Variants in PAPPA observed in about 807,000 individuals in gnomAD.
The protein encoded by PAPPA is pappalysin-1.
A neutral mutation model predicts 164.0 loss-of-function variants in PAPPA; 60 were observed. The ratio of observed to expected loss-of-function variants is 0.37; its 90% CI spans 0.30 to 0.45. The LOEUF (loss-of-function observed/expected upper bound fraction) is 0.45, where lower values mean the gene tolerates loss of function less well. Among genes scored for constraint, PAPPA ranks in the 20% least tolerant of loss-of-function variants. The pLI is 1.00. For synonymous variants in PAPPA, 875 were observed against 814.1 expected (o/e 1.07, Z -1.27); for missense variants, 1,782 against 2,087.3 (o/e 0.85, Z 2.85).
At chr9:116,326,260 T>G (rs999747653) in intron 10 of PAPPA, among the ~76,000 whole-genome samples, 2 of 152,204 alleles carry the variant, frequency 1.3e-5, no homozygotes, top group African/African-American at 2.4e-5. Flanking sequence ...TTCCCTTCAC[T>G]TGATTATTTT....
At chr9:116,276,463 G>A (rs1284491447) in intron 9 of PAPPA, among the ~76,000 whole-genome samples, 1 of 152,118 alleles carries the variant, frequency 6.6e-6, no homozygotes, top group Non-Finnish European at 1.5e-5. Context: ...GAGGCCTCCT[G>A]GCTGCAGCTT....
rs182044902 is a variant in PAPPA, at chr9:116,256,362, C to T, written c.2733-9495C>T. Among the ~76,000 whole-genome samples, 37 of 151,418 alleles carry T rather than the reference C, an allele frequency of 2.4e-4. 1 individual carries two copies. The highest frequency in any genetic ancestry group is 2.2e-3 in the Admixed American group (33 of 15,200). On this transcript the variant is annotated intron_variant, in intron 7 of 21. Transcript: ENST00000328252. ...GACAAATAATGGAAATTTAAAAATT[C>T]GATAAATCCAAGTGAAGGGAAGAAA...
At chr9:116,319,272 C>T (rs1267167327) in intron 10 of PAPPA, among the ~76,000 whole-genome samples, 2 of 152,204 alleles carry the variant, frequency 1.3e-5, no homozygotes, top group African/African-American at 4.8e-5. Flanking sequence ...ACATCCGACA[C>T]TAATCACTCT....
chr9:116,158,255 C>T (rs569907791), intron 1 of PAPPA, among the ~76,000 whole-genome samples: 2 of 152,182 alleles, frequency 1.3e-5, no homozygotes, highest in African/African-American at 4.8e-5. Context: ...TCCACCCAAC[C>T]CTCAAAAAAG....
In PAPPA at chr9:116,235,363, G is replaced by A. The variant is rs150711810; in HGVS notation, c.2458G>A (p.Ala820Thr). The stretch of plus-strand genomic sequence containing the variant: ...AGCTGTCAATGACATCAAACTGTTG[G>A]CTGTCAGTGGGAAGAACATCTCCCT... ...SGAVNDIKLL[A>T]VSGKNISLGP... is the part of the protein sequence containing the mutation. The change falls in exon 7 of 22, where the codon GCT (alanine) becomes ACT (threonine). Residue 820 changes from alanine to threonine, a missense_variant. Ala to Thr is a moderately conservative substitution (Grantham distance 58). Transcript: ENST00000328252. 1.2e-5 allele frequency: 20 copies of A among 1,613,910 alleles called. No individual in the cohort carries two copies. The African/African-American group carries it at 1.6e-4, about 13-fold the overall frequency.
At chr9:116,363,804 G>C (rs577158109) in intron 18 of PAPPA, among the ~76,000 whole-genome samples, 1 of 152,180 alleles carries the variant, frequency 6.6e-6, no homozygotes, top group African/African-American at 2.4e-5. Context: ...GGTTGGAGAG[G>C]GAAGGTTCAT....
intron 1 of PAPPA, among the ~76,000 whole-genome samples, chr9:116,156,047 G>GTA (rs1843597782): frequency 6.6e-6 from 1 of 151,398 alleles, no homozygotes; most frequent in East Asian, 1.9e-4. Context: ...ATTTAGAGCT[G>GTA]TAGTATGTTG....
intron 17 of PAPPA, among the ~76,000 whole-genome samples, chr9:116,361,379 C>G (rs988534956): frequency 5.9e-5 from 9 of 152,188 alleles, no homozygotes; most frequent in African/African-American, 1.9e-4. Flanking sequence ...TCGGTAAAGT[C>G]TAAACTACTT....
rs1478770305 is a variant in PAPPA at position 116,227,432 on chromosome 9, G to A, written c.2113G>A (p.Glu705Lys). The part of the protein sequence containing the change: ...PPIDGHFFER[E>K]LGSACHLCLE... ...TTCCCTCTTTCCTTGGCCTCCTAGA[G>A]AATTGGGATCAGCATGTCATCTTTG... is the stretch of plus-strand genomic sequence containing the variant. The change falls in exon 6 of 22, where the codon GAA (glutamate) becomes AAA (lysine). Residue 705 changes from glutamate (E) to lysine (K), a missense_variant and splice_region_variant. By Grantham distance (56) the Glu-to-Lys change is moderately conservative. Transcript: ENST00000328252. The A allele has an allele frequency of 1.2e-6, 2 of 1,613,992 alleles. No homozygotes were observed. The highest frequency in any genetic ancestry group is 1.7e-6 in the Non-Finnish European group (2 of 1,179,926).
chr9:116,331,700 T>A (rs1845993294), intron 11 of PAPPA, among the ~76,000 whole-genome samples: 3 of 152,216 alleles, frequency 2.0e-5, no homozygotes, highest in Admixed American at 1.3e-4. Context: ...TTGTCCTGCA[T>A]GTTTGGTCGC....
At chr9:116,163,361 G>A (rs1398248657) in intron 1 of PAPPA, among the ~76,000 whole-genome samples, 3 of 152,162 alleles carry the variant, frequency 2.0e-5, no homozygotes, top group East Asian at 3.9e-4. Flanking sequence ...GAGTAGCTTT[G>A]AAGAAGAGAC....
intron 21 of PAPPA, among the ~76,000 whole-genome samples, chr9:116,391,992 G>C (rs115535131): frequency 0.015 from 2,219 of 152,264 alleles, 27 homozygotes; most frequent in East Asian, 0.027. Context: ...CCTGACTCCT[G>C]CTCTGCCGTC....
chr9:116,307,282 C>T (rs996651248), intron 10 of PAPPA, among the ~76,000 whole-genome samples: 1 of 152,126 alleles, frequency 6.6e-6, no homozygotes, highest in African/African-American at 2.4e-5. Context: ...CTTGGCCCAT[C>T]CATAATACTT....
At chr9:116,280,642 C>T (rs1211798944) in intron 9 of PAPPA, among the ~76,000 whole-genome samples, 1 of 152,174 alleles carries the variant, frequency 6.6e-6, no homozygotes, top group Non-Finnish European at 1.5e-5. Flanking sequence ...GAAGTTGACT[C>T]AAGCATATAC....
At chr9:116,341,058 T>A (rs1296687871) in intron 13 of PAPPA, among the ~76,000 whole-genome samples, 1 of 145,882 alleles carries the variant, frequency 6.9e-6, no homozygotes, top group Non-Finnish European at 1.5e-5. Context: ...TTATTTATTT[T>A]GATACACAGT....
intron 17 of PAPPA, among the ~76,000 whole-genome samples, chr9:116,358,861 G>C (rs1420610679): frequency 1.3e-5 from 2 of 152,192 alleles, no homozygotes; most frequent in East Asian, 3.8e-4. Context: ...AAAATGTACT[G>C]TTGGTTGGGT....
intron 1 of PAPPA, among the ~76,000 whole-genome samples, chr9:116,185,639 T>G (rs974653315): frequency 6.6e-6 from 1 of 152,182 alleles, no homozygotes; most frequent in Non-Finnish European, 1.5e-5. Flanking sequence ...ACACTTAAAA[T>G]ACACTCTTAA....
chr9:116,216,566 T>C (rs1193193454), intron 4 of PAPPA, among the ~76,000 whole-genome samples: 1 of 152,042 alleles, frequency 6.6e-6, no homozygotes, highest in Admixed American at 6.6e-5. Context: ...TGGCCACAGA[T>C]ATCAAGAGGG....
At chr9:116,306,873 G>A (rs1403891789) in intron 10 of PAPPA, among the ~76,000 whole-genome samples, 1 of 152,186 alleles carries the variant, frequency 6.6e-6, no homozygotes, top group East Asian at 1.9e-4. Context: ...GTGGCCTGAG[G>A]AGGAAATGGA....
Sources: allele counts gnomAD v4.1 joint callset (sites outside exome capture counted in the v4.1 genomes callset), GRCh38; gene constraint gnomAD v4.1.1; transcripts MANE v1.5; gene names NCBI Gene and HGNC (gene_info 2026-07-23, HGNC 2026-07-21).